RPS6KA2: variants seen among roughly 807,000 people sequenced by gnomAD.
RPS6KA2 encodes ribosomal protein S6 kinase A2.
Under a neutral mutation model 91.8 loss-of-function variants are expected in RPS6KA2, and 42 were observed. The ratio of observed to expected loss-of-function variants is 0.46; its 90% confidence interval spans 0.36 to 0.59. The LOEUF (loss-of-function observed/expected upper bound fraction) is 0.59. Among genes scored for constraint, RPS6KA2 ranks in the 20% least tolerant of loss-of-function variants. The pLI is 0.00. For missense variants in RPS6KA2, 798 were observed against 978.5 expected, an observed-to-expected ratio of 0.82 and a Z score of 2.46; for synonymous variants, 414 against 393.6, an observed-to-expected ratio of 1.05 and a Z score of -0.61.
rs561079317 is a variant in RPS6KA2 at position 166,851,856 on chromosome 6, G to C, written c.123+6344C>G. 3.9e-5 allele frequency among the ~76,000 whole-genome samples: 6 copies of C among 152,342 alleles called. No individual in the cohort carries two copies. In the South Asian group the frequency reaches 1.0e-3, roughly 26 times the overall value. ...TCAGTGAGAAAGGAATAACCAGAAG[G>C]AGGGATGTCTGCAGATGACAAGAGC... On this transcript the variant is annotated intron_variant, in intron 2 of 21. Transcript: ENST00000503859.
chr6:166,772,014 C>T (rs1057211035), intron 2 of RPS6KA2, among the ~76,000 whole-genome samples: 1 of 148,954 alleles, frequency 6.7e-6, no homozygotes, highest in African/African-American at 2.6e-5. Flanking sequence ...AATCATAGCT[C>T]TGTTTGTTTT....
At chr6:166,701,575 G>T in intron 2 of RPS6KA2, 1 of 1,414,694 alleles carries the variant, frequency 7.1e-7, no homozygotes, top group Non-Finnish European at 1.0e-6. Context: ...GCTGATGAGG[G>T]CTCTGACTGA....
rs369079945 is a variant in RPS6KA2, at chr6:166,543,776, C to T, written c.100-4992G>A. Among the ~76,000 whole-genome samples, 51 of 152,356 alleles carry T rather than the reference C, an allele frequency of 3.3e-4. 1 individual carries two copies. The East Asian group carries it at 9.2e-3, about 28-fold the overall frequency. On this transcript the variant is annotated intron_variant, in intron 1 of 20. Coordinates refer to ENST00000265678, the MANE Select transcript of RPS6KA2 (RefSeq NM_021135.6). ...CCAGCAGGGGCTGCTCCCAGAGGTCCAGTTCTAGAGGCCCATCCATCACAG... is the reference window on the plus strand; with the variant it reads ...CCAGCAGGGGCTGCTCCCAGAGGTCTAGTTCTAGAGGCCCATCCATCACAG...
intron 2 of RPS6KA2, among the ~76,000 whole-genome samples, chr6:166,820,667 C>T (rs1779885425): frequency 1.3e-5 from 2 of 152,098 alleles, no homozygotes; most frequent in Non-Finnish European, 2.9e-5. Context: ...AGGTTTATTC[C>T]CATAATTCCA....
chr6:166,474,328 C>T (rs1318315638), intron 10 of RPS6KA2, among the ~76,000 whole-genome samples: 1 of 152,228 alleles, frequency 6.6e-6, no homozygotes, highest in African/African-American at 2.4e-5. Context: ...AAACCTCTGC[C>T]CGTGCGTCAG....
intron 1 of RPS6KA2, among the ~76,000 whole-genome samples, chr6:166,860,178 C>A (rs1781012816): frequency 6.6e-6 from 1 of 152,080 alleles, no homozygotes; most frequent in South Asian, 2.1e-4. Context: ...AATATTTAAG[C>A]TTTCATTTTT....
At chr6:166,577,948 T>C (rs549788839) in intron 1 of RPS6KA2, among the ~76,000 whole-genome samples, 1 of 152,300 alleles carries the variant, frequency 6.6e-6, no homozygotes, top group South Asian at 2.1e-4. Flanking sequence ...CACATACTGT[T>C]CTCATGATAG....
chr6:166,646,188 G>A (rs115707545), intron 2 of RPS6KA2, among the ~76,000 whole-genome samples: 2,339 of 149,950 alleles, frequency 0.016, 69 homozygotes, highest in African/African-American at 0.056. Context: ...TTGATCAGAG[G>A]GCATCTATTT....
upstream of RPS6KA2, among the ~76,000 whole-genome samples, chr6:166,628,928 C>T (rs925553322): frequency 1.3e-5 from 2 of 152,248 alleles, no homozygotes; most frequent in African/African-American, 2.4e-5. Context: ...ACACCAAACA[C>T]CACTTTTTGC....
intron 11 of RPS6KA2, among the ~76,000 whole-genome samples, chr6:166,464,364 G>A (rs966642445): frequency 2.0e-5 from 3 of 152,194 alleles, no homozygotes; most frequent in African/African-American, 7.2e-5. Flanking sequence ...GGTGTGCTTG[G>A]AAGGGTTTCA....
intron 2 of RPS6KA2, among the ~76,000 whole-genome samples, chr6:166,818,153 AATATAATG>A (rs1340577753): frequency 2.0e-5 from 3 of 150,504 alleles, no homozygotes; most frequent in African/African-American, 7.5e-5. Context: ...TATTAAAATT[AATATAATG>A]ATATTATTAA....
intron 1 of RPS6KA2, among the ~76,000 whole-genome samples, chr6:166,584,076 G>C (rs1451861247): frequency 6.6e-6 from 1 of 152,208 alleles, no homozygotes; most frequent in Non-Finnish European, 1.5e-5. Context: ...TTCTTAGTCT[G>C]CCTGAGCTGC....
intron 1 of RPS6KA2, among the ~76,000 whole-genome samples, chr6:166,613,786 C>T (rs1170015229): frequency 1.3e-5 from 2 of 150,036 alleles, no homozygotes; most frequent in East Asian, 3.9e-4. Context: ...CTTTCCACGG[C>T]CTTCAGGACA....
chr6:166,668,330 G>T (rs1053719103), intron 2 of RPS6KA2, among the ~76,000 whole-genome samples: 22 of 152,118 alleles, frequency 1.4e-4, no homozygotes, highest in African/African-American at 2.4e-5. Context: ...ATATGGTGGG[G>T]TAGTGTTGAG....
intron 2 of RPS6KA2, among the ~76,000 whole-genome samples, chr6:166,647,909 C>T (rs1443761494): frequency 2.0e-5 from 3 of 150,340 alleles, no homozygotes; most frequent in African/African-American, 7.4e-5. Flanking sequence ...TGCTCACACA[C>T]ATGCACATGC....
Position 166,423,683 on chromosome 6 carries a change from C to CG in RPS6KA2, c.1582-267_1582-266insC, listed in dbSNP as rs1778811777. 1.3e-5 allele frequency among the ~76,000 whole-genome samples: 2 copies of CG among 152,208 alleles called. No individual in the cohort carries two copies. Among genetic ancestry groups the CG allele is most frequent in the East Asian group, 3.9e-4 (2 of 5,188 alleles). ...ATGAATATTTGAGTAAATAAGTGAG[C>CG]ACCTCTCCAAGTTGAGGCCGCAGCT... On this transcript the variant is annotated intron_variant, in intron 16 of 20. Coordinates refer to ENST00000265678, the MANE Select transcript of RPS6KA2 (RefSeq NM_021135.6). The surrounding 1 kb of genome is among the most constrained non-coding windows in gnomAD (Gnocchi z 4.8).
chr6:166,674,397 G>A (rs899681462), intron 2 of RPS6KA2, among the ~76,000 whole-genome samples: 2 of 152,146 alleles, frequency 1.3e-5, no homozygotes, highest in African/African-American at 4.8e-5. Context: ...TGGGGACCAC[G>A]CTAAACCGTG....
At chr6:166,471,152 C>T (rs1780753175) in intron 10 of RPS6KA2, among the ~76,000 whole-genome samples, 1 of 152,264 alleles carries the variant, frequency 6.6e-6, no homozygotes, top group South Asian at 2.1e-4. Context: ...TTCGTGGAGC[C>T]CCCCTCATGT....
rs561440128 is a variant in RPS6KA2, at chr6:166,745,295, G to A, written c.123+112905C>T. Among the ~76,000 whole-genome samples the A allele has an allele frequency of 1.1e-3, 165 of 152,188 alleles. 7 individuals are homozygous for A. The South Asian group carries it at 0.033, about 31-fold the overall frequency. On this transcript the variant is annotated intron_variant, in intron 2 of 21. Transcript: ENST00000503859. ...GCCTCCTGAGTAGCTGGGATTTCAG[G>A]TGTGTGCCACCATGCCTGGCTAATT...
Sources: gnomAD v4.1 joint callset for allele counts (sites outside exome capture counted in the v4.1 genomes callset) on GRCh38, gnomAD v4.1.1 for gene constraint, Gnocchi (gnomAD v3.1) non-coding constraint, MANE v1.5 for transcripts, NCBI Gene and HGNC (gene_info 2026-07-23, HGNC 2026-07-21) for gene names.